NRG1: variants seen among roughly 807,000 people sequenced by gnomAD.
NRG1 encodes neuregulin 1, also known as pro-neuregulin-1, membrane-bound isoform.
In NRG1, 18 loss-of-function variants were observed where a neutral mutation model predicts 63.8. The observed-to-expected ratio is 0.28, with a 90% CI of 0.19 to 0.42. NRG1 has a LOEUF of 0.42. Ranked by LOEUF, NRG1 falls within the 10% of genes least tolerant of loss-of-function variation. The pLI, the probability that NRG1 is intolerant of heterozygous loss-of-function variation, is 1.00. For missense variants in NRG1, 762 were observed against 814.7 expected (o/e 0.94, Z 0.79); for synonymous variants, 302 against 301.3 (o/e 1.00, Z -0.02).
chr8:31,929,497 T>C (rs1296345376), intron 1 of NRG1, among the ~76,000 whole-genome samples: 6 of 151,912 alleles, frequency 3.9e-5, no homozygotes, highest in Admixed American at 6.6e-5. Context: ...ATAAATAATA[T>C]ATATTCTTAC....
chr8:32,009,871 C>T (rs529140427), intron 1 of NRG1, among the ~76,000 whole-genome samples: 1 of 151,752 alleles, frequency 6.6e-6, no homozygotes, highest in Admixed American at 6.6e-5. Flanking sequence ...CACTTTCTCT[C>T]CCCCCAGCCC....
In NRG1 at chr8:32,422,716, T is replaced by C. The variant is rs536827914; in HGVS notation, c.38-173112T>C. 7.9e-5 allele frequency among the ~76,000 whole-genome samples: 12 copies of C among 152,338 alleles called. No homozygotes were observed. In the East Asian group the frequency reaches 2.3e-3, roughly 29 times the overall value. ...TCCCAACAACCTTGCCAACGTTGGG[T>C]ATTGTCAATTTTTTGGCTCTTTGCC... On this transcript the variant is annotated intron_variant, in intron 1 of 10. Coordinates refer to the NRG1 transcript ENST00000519301.
At chr8:31,925,663 C>T (rs1834300050) in intron 1 of NRG1, among the ~76,000 whole-genome samples, 2 of 151,322 alleles carry the variant, frequency 1.3e-5, no homozygotes, top group Non-Finnish European at 2.9e-5. Flanking sequence ...ATTTTTTTCT[C>T]AATGTTTTCA....
intron 1 of NRG1, among the ~76,000 whole-genome samples, chr8:32,446,608 T>C (rs2129487791): frequency 6.6e-6 from 1 of 152,150 alleles, no homozygotes; most frequent in East Asian, 1.9e-4. Context: ...TGAGCCAAGA[T>C]TGTGCCCCTG....
intron 1 of NRG1, among the ~76,000 whole-genome samples, chr8:31,877,745 G>A (rs1448504326): frequency 4.6e-5 from 7 of 152,172 alleles, no homozygotes; most frequent in African/African-American, 1.7e-4. Context: ...TTTTATACAT[G>A]TATCAGAATT....
chr8:32,438,842 A>C (rs933718764), intron 1 of NRG1, among the ~76,000 whole-genome samples: 1 of 152,088 alleles, frequency 6.6e-6, no homozygotes, highest in Non-Finnish European at 1.5e-5. Flanking sequence ...CTTTAGTGAA[A>C]TGCTTCTCTG....
At chr8:32,010,967 G>C (rs572627166) in intron 1 of NRG1, among the ~76,000 whole-genome samples, 9 of 152,122 alleles carry the variant, frequency 5.9e-5, no homozygotes, top group African/African-American at 2.2e-4. Context: ...TATTCAATTA[G>C]ATTTTTTAGG....
chr8:31,764,891 C>A, intron 1 of NRG1, among the ~76,000 whole-genome samples: 1 of 103,412 alleles, frequency 9.7e-6, no homozygotes. Context: ...CCTCCCCCCT[C>A]CCCCCACCCC....
chr8:32,178,956 G>A (rs548806693), intron 1 of NRG1, among the ~76,000 whole-genome samples: 11 of 151,992 alleles, frequency 7.2e-5, no homozygotes, highest in Admixed American at 1.3e-4. Flanking sequence ...TCAGGATCTC[G>A]ATTCTCAATG....
chr8:32,466,631 C>A (rs1339248929), intron 1 of NRG1, among the ~76,000 whole-genome samples: 1 of 152,110 alleles, frequency 6.6e-6, no homozygotes, highest in Non-Finnish European at 1.5e-5. Flanking sequence ...TAAAAGCCTG[C>A]AGTTATTAGT....
chr8:32,178,223 C>T (rs984005900), intron 1 of NRG1, among the ~76,000 whole-genome samples: 86 of 152,198 alleles, frequency 5.7e-4, no homozygotes, highest in African/African-American at 1.9e-3. Context: ...GAGGTAGAGT[C>T]AGAGATCAGT....
At chr8:31,669,155 A>C (rs776236821) in intron 1 of NRG1, among the ~76,000 whole-genome samples, 1 of 152,086 alleles carries the variant, frequency 6.6e-6, no homozygotes, top group Non-Finnish European at 1.5e-5. Flanking sequence ...TTCTGGGCAC[A>C]AGCGATCCTC....
chr8:32,548,577 G>C (rs1441497698), exon 1 of NRG1: 2 of 1,300,518 alleles, frequency 1.5e-6, no homozygotes, highest in Non-Finnish European at 1.9e-6. Flanking sequence ...TGCAGGCAAC[G>C]GGAGACGCCC....
chr8:32,471,528 ATT>A (rs1198829820), intron 1 of NRG1, among the ~76,000 whole-genome samples: 1 of 152,166 alleles, frequency 6.6e-6, no homozygotes, highest in East Asian at 1.9e-4. Flanking sequence ...ATTTAGAAGA[ATT>A]TCTTATTTCA....
intron 1 of NRG1, among the ~76,000 whole-genome samples, chr8:32,527,114 T>G (rs1160778881): frequency 6.6e-6 from 1 of 152,158 alleles, no homozygotes; most frequent in Non-Finnish European, 1.5e-5. Context: ...AGAACTACCA[T>G]TCGATCCAGC....
At chr8:32,595,170 T>C (rs1328391599) in intron 1 of NRG1, among the ~76,000 whole-genome samples, 1 of 152,074 alleles carries the variant, frequency 6.6e-6, no homozygotes, top group African/African-American at 2.4e-5. Flanking sequence ...GGTTACATAT[T>C]CTCCTTTTTA....
At chr8:32,410,686 T>G (rs550726340) in intron 1 of NRG1, among the ~76,000 whole-genome samples, 2 of 152,110 alleles carry the variant, frequency 1.3e-5, no homozygotes, top group Non-Finnish European at 2.9e-5. Context: ...CTTTTAGACT[T>G]GTAATTAACC....
rs542665020 is a variant in NRG1, at chr8:31,704,689, A to G, written c.37+65258A>G. Among the ~76,000 whole-genome samples the G allele has an allele frequency of 1.8e-4, 27 of 151,680 alleles. No homozygotes were observed. In the East Asian group the frequency reaches 5.1e-3, roughly 29 times the overall value. On this transcript the variant is annotated intron_variant, in intron 1 of 10. Transcript: ENST00000519301. The stretch of plus-strand genomic sequence containing the variant: ...CTACTAAAAATACAAAAAATTAGCC[A>G]GGCGTGGTGGCGGGCGCCTGTAGTC...
At chr8:32,297,900 T>C (rs1855083804) in intron 1 of NRG1, among the ~76,000 whole-genome samples, 1 of 152,186 alleles carries the variant, frequency 6.6e-6, no homozygotes, top group African/African-American at 2.4e-5. Context: ...AATTATCCAG[T>C]ACACAAGCAG....
Sources: gnomAD v4.1 joint callset for allele counts (sites outside exome capture counted in the v4.1 genomes callset) on GRCh38, gnomAD v4.1.1 for gene constraint, MANE v1.5 for transcripts, NCBI Gene and HGNC (gene_info 2026-07-23, HGNC 2026-07-21) for gene names.